The following BICDL1 variants were observed in gnomAD, a reference collection of about 807,000 sequenced individuals.
BICDL1 encodes the protein BICD family-like cargo adapter 1.
BICDL1 carries 20 observed loss-of-function variants against 76.8 expected under a neutral mutation model. That is an observed-to-expected ratio of 0.26 (90% CI 0.18 to 0.38). BICDL1 has a LOEUF of 0.38. Ranked by LOEUF, BICDL1 falls within the 10% of genes least tolerant of loss-of-function variation. The pLI is 1.00. For synonymous variants in BICDL1, 383 were observed against 337.1 expected, an observed-to-expected ratio of 1.14 and a Z score of -1.49; for missense variants, 700 against 798.6, an observed-to-expected ratio of 0.88 and a Z score of 1.49.
At chr12:120,019,193 A>T (rs1273791488) in intron 2 of BICDL1, 1 of 152,126 alleles carries the variant, frequency 6.6e-6, no homozygotes, top group Non-Finnish European at 1.5e-5. Flanking sequence ...CGTGCTGATT[A>T]GTAGTGTGAT....
intron 2 of BICDL1, among the ~76,000 whole-genome samples, chr12:120,036,157 C>G (rs376115699): frequency 1.3e-5 from 2 of 152,210 alleles, no homozygotes; most frequent in Admixed American, 6.5e-5. Context: ...CTTGGACATA[C>G]AGTCTGGTGC....
intron 2 of BICDL1, among the ~76,000 whole-genome samples, chr12:120,058,053 T>C (rs1345471010): frequency 6.6e-6 from 1 of 151,882 alleles, no homozygotes; most frequent in Non-Finnish European, 1.5e-5. Flanking sequence ...CAGGATGGTC[T>C]CGATCTCCTG....
At chr12:119,996,222 T>C (rs1951642355) in intron 1 of BICDL1, among the ~76,000 whole-genome samples, 1 of 152,204 alleles carries the variant, frequency 6.6e-6, no homozygotes, top group South Asian at 2.1e-4. Flanking sequence ...AAACTGCCTT[T>C]GCCAGTGTGC....
chr12:120,006,492 T>C (rs1951852969), intron 2 of BICDL1, among the ~76,000 whole-genome samples: 1 of 152,114 alleles, frequency 6.6e-6, no homozygotes. Context: ...AGGAAATACA[T>C]AAACAGACAA....
At chr12:120,075,245 G>A (rs192275702) in intron 7 of BICDL1, among the ~76,000 whole-genome samples, 1 of 152,246 alleles carries the variant, frequency 6.6e-6, no homozygotes, top group African/African-American at 2.4e-5. Context: ...AGTAGGGGCT[G>A]GGGTAGCACC....
At chr12:119,997,298 C>T (rs908167103) in intron 1 of BICDL1, among the ~76,000 whole-genome samples, 3 of 152,160 alleles carry the variant, frequency 2.0e-5, no homozygotes, top group Non-Finnish European at 4.4e-5. Context: ...TTTTATTGAG[C>T]TGCTACATTA....
At chr12:120,061,027 C>T (rs1953093929) in intron 2 of BICDL1, among the ~76,000 whole-genome samples, 1 of 152,176 alleles carries the variant, frequency 6.6e-6, no homozygotes, top group African/African-American at 2.4e-5. Flanking sequence ...GGCTGGGACC[C>T]TCAGGAGGAG....
chr12:120,015,534 A>G (rs1213736199), intron 2 of BICDL1, among the ~76,000 whole-genome samples: 1 of 152,130 alleles, frequency 6.6e-6, no homozygotes, highest in African/African-American at 2.4e-5. Context: ...TTTGTCATTT[A>G]CATTCTGTCA....
At chr12:120,033,251 C>A (rs932284040) in intron 2 of BICDL1, among the ~76,000 whole-genome samples, 16 of 151,574 alleles carry the variant, frequency 1.1e-4, no homozygotes, top group African/African-American at 3.9e-4. Flanking sequence ...TGTTCTATGT[C>A]TGGTGCATTA....
chr12:120,083,538 C>T (rs114061216), intron 8 of BICDL1, among the ~76,000 whole-genome samples: 3,494 of 152,190 alleles, frequency 0.023, 143 homozygotes, highest in African/African-American at 0.08. Flanking sequence ...GCAAGAGCCA[C>T]GGTGCCCAGC....
intron 2 of BICDL1, among the ~76,000 whole-genome samples, chr12:120,050,252 CTCT>C (rs1410753752): frequency 1.3e-5 from 2 of 150,578 alleles, no homozygotes; most frequent in Non-Finnish European, 3.0e-5. Context: ...TAGATCTATT[CTCT>C]TTTTTTTTTT....
rs938655359 is a variant in BICDL1 at position 119,989,605 on chromosome 12, A to C, written c.-264A>C. ...CTTCCCCAGCCTTCCCGTTCCCACCACCTACTCCGCCACTACCCCCACCCC... is the reference window on the plus strand; with the variant it reads ...CTTCCCCAGCCTTCCCGTTCCCACCCCCTACTCCGCCACTACCCCCACCCC... On this transcript the variant is annotated 5_prime_UTR_variant, in exon 1 of 10. Coordinates refer to ENST00000548673, the MANE Select transcript of BICDL1 (RefSeq NM_001367886.1). Among the ~76,000 whole-genome samples, 1 of 146,548 alleles carries C rather than the reference A, an allele frequency of 6.8e-6. No individual in the cohort carries two copies. Among genetic ancestry groups the C allele is most frequent in the Non-Finnish European group, 1.5e-5 (1 of 66,060 alleles).
intron 2 of BICDL1, among the ~76,000 whole-genome samples, chr12:120,033,903 C>T (rs994930320): frequency 1.1e-4 from 17 of 152,086 alleles, no homozygotes; most frequent in African/African-American, 3.6e-4. Context: ...TGCTGAGACC[C>T]CTGGACTGTG....
At chr12:120,073,174 G>A (rs920596585) in intron 6 of BICDL1, among the ~76,000 whole-genome samples, 8 of 152,168 alleles carry the variant, frequency 5.3e-5, no homozygotes, top group Non-Finnish European at 1.0e-4. Flanking sequence ...ACGCCAGGCC[G>A]TGAGCCCTTA....
Position 120,076,253 on chromosome 12 carries a change from A to G in BICDL1, c.1452+1667A>G, listed in dbSNP as rs1367893870. Among the ~76,000 whole-genome samples the G allele has an allele frequency of 2.0e-5, 3 of 152,194 alleles. No homozygotes were observed. In the South Asian group the frequency reaches 6.2e-4, roughly 31 times the overall value. On this transcript the variant is annotated intron_variant, in intron 7 of 9. Transcript: ENST00000548673. Reference sequence around the variant, plus strand: ...CTGAAACCTAAGTTCTTCAGCGGGTAATTTGGCCAGAGAGTGATTCAGACT... The same window carrying G: ...CTGAAACCTAAGTTCTTCAGCGGGTGATTTGGCCAGAGAGTGATTCAGACT...
At chr12:120,091,764 A>G (rs1874988863) in intron 9 of BICDL1, 1 of 985,244 alleles carries the variant, frequency 1.0e-6, no homozygotes, top group South Asian at 4.7e-5. Context: ...TGAAACCTGC[A>G]GAGATATTAG....
In BICDL1 at chr12:120,089,805, A is replaced by T. The variant is rs1315402904; in HGVS notation, c.1584-146A>T. ...TGCAAACTAACCCTCTGCAGGCAAC[A>T]TCATAGTTATTGTTGCAGCTGCTAT... On this transcript the variant is annotated intron_variant, in intron 8 of 9. Transcript: ENST00000548673. The T allele has an allele frequency of 9.4e-6, 9 of 953,158 alleles. No homozygotes were observed. In the East Asian group the frequency reaches 2.2e-4, roughly 24 times the overall value. The allele number at this position is 953,158 out of a possible 1,614,324, so 59.0% of individuals were successfully genotyped here. A position where few individuals can be genotyped will look rare whatever the true frequency, so the allele number is the denominator to read the frequency against.
rs1036322485 is a variant in BICDL1 at position 120,080,713 on chromosome 12, T to C, written c.1453-174T>C. The C allele has an allele frequency of 8.9e-6, 5 of 560,110 alleles. No homozygotes were observed. The African/African-American group carries it at 9.5e-5, about 11-fold the overall frequency. 34.7% of individuals were successfully genotyped at this position (560,110 alleles called of 1,614,324 possible). A position where few individuals can be genotyped will look rare whatever the true frequency, so the allele number is the denominator to read the frequency against. On this transcript the variant is annotated intron_variant, in intron 7 of 9. Transcript: ENST00000548673. ...AAGCCTAGCATGTGATGTGGTACCC[T>C]TTCTTCAAGAGAGACAGGCCCTCTC...
chr12:120,080,873 C>T lies in BICDL1; in HGVS notation c.1453-14C>T. ...AGGACAGCAGCAGTGATACCATATTCATTCTCCTGTTAGGTGACACTGCTG... is the reference window on the plus strand; with the variant it reads ...AGGACAGCAGCAGTGATACCATATTTATTCTCCTGTTAGGTGACACTGCTG... On this transcript the variant is annotated splice_polypyrimidine_tract_variant and intron_variant, in intron 7 of 9. Coordinates refer to ENST00000548673, the MANE Select transcript of BICDL1 (RefSeq NM_001367886.1). 6.2e-7 allele frequency: 1 copy of T among 1,611,744 alleles called. No homozygotes were observed. Among genetic ancestry groups the T allele is most frequent in the Non-Finnish European group, 8.5e-7 (1 of 1,178,724 alleles).
Sources: gnomAD v4.1 joint callset for allele counts (sites outside exome capture counted in the v4.1 genomes callset) on GRCh38, gnomAD v4.1.1 for gene constraint, MANE v1.5 for transcripts, NCBI Gene and HGNC (gene_info 2026-07-23, HGNC 2026-07-21) for gene names.